CIT: variants seen among roughly 807,000 people sequenced by gnomAD.
CIT encodes the protein citron rho-interacting serine/threonine kinase.
In CIT, 79 loss-of-function variants were observed where a neutral mutation model predicts 272.7. The ratio of observed to expected loss-of-function variants is 0.29; its 90% CI spans 0.24 to 0.35. The LOEUF (loss-of-function observed/expected upper bound fraction) is 0.35. Ranked by LOEUF, CIT falls within the 10% of genes least tolerant of loss-of-function variation. CIT has a pLI of 1.00. For synonymous variants in CIT, 948 were observed against 995.6 expected, an observed-to-expected ratio of 0.95 and a Z score of 0.90; for missense variants, 1,909 against 2,618.3, an observed-to-expected ratio of 0.73 and a Z score of 5.91.
In CIT at chr12:119,810,683, C is replaced by T. The variant is rs1282908846; in HGVS notation, c.1112-7294G>A. ...GTGGCACTGCCTCCAGCCTGGGCAG[C>T]AGAGTGAGATTCCATCATCTCAGAA... is the stretch of plus-strand genomic sequence containing the variant. On this transcript the variant is annotated intron_variant, in intron 9 of 47. Transcript: ENST00000392521. 1.4e-4 allele frequency among the ~76,000 whole-genome samples: 19 copies of T among 132,796 alleles called. No homozygotes were observed. The Admixed American group carries it at 1.6e-3, about 11-fold the overall frequency. The allele number at this position is 132,796 out of a possible 152,430, so 87.1% of individuals were successfully genotyped here. A position where few individuals can be genotyped will look rare whatever the true frequency, so the allele number is the denominator to read the frequency against.
At chr12:119,855,755 A>G (rs1002393945) in intron 4 of CIT, among the ~76,000 whole-genome samples, 5 of 152,146 alleles carry the variant, frequency 3.3e-5, no homozygotes, top group Non-Finnish European at 5.9e-5. Context: ...ATTTCAGGCC[A>G]TTCACCTGGA....
At chr12:119,799,841 GTT>G (rs3999586) in intron 10 of CIT, among the ~76,000 whole-genome samples, 1 of 146,494 alleles carries the variant, frequency 6.8e-6, no homozygotes. Flanking sequence ...AACTTTATGA[GTT>G]TTTTTTTTTT....
In CIT at chr12:119,760,809, A is replaced by G. The variant is rs1405580162; in HGVS notation, c.2421+130T>C. ...GAAACAGTTTCAGAGAAAGCCTCCT[A>G]TTACCAACAACTCCACAGGATTCAA... On this transcript the variant is annotated intron_variant, in intron 20 of 47. Coordinates refer to ENST00000392521, the MANE Select transcript of CIT (RefSeq NM_001206999.2). 3 of 707,444 alleles carry G rather than the reference A, an allele frequency of 4.2e-6. No individual in the cohort carries two copies. The African/African-American group carries it at 5.3e-5, about 13-fold the overall frequency. The allele number at this position is 707,444 out of a possible 1,614,324, so 43.8% of individuals were successfully genotyped here. A position where few individuals can be genotyped will look rare whatever the true frequency, so the allele number is the denominator to read the frequency against.
At chr12:119,717,324 T>G (rs1957545118) in intron 32 of CIT, among the ~76,000 whole-genome samples, 1 of 151,984 alleles carries the variant, frequency 6.6e-6, no homozygotes, top group African/African-American at 2.4e-5. Context: ...AGTGCTGGGA[T>G]TACAGGCGTG....
At chr12:119,717,838 C>CTTTTTTTTGTTTTTTTTTTTTT (rs1957601572) in intron 32 of CIT, among the ~76,000 whole-genome samples, 1 of 81,332 alleles carries the variant, frequency 1.2e-5, no homozygotes, top group Non-Finnish European at 2.3e-5. Context: ...TGACTTCTTT[C>CTTTTTTTTGTTTTTTTTTTTTT]TTTTTTTTTT....
Position 119,720,469 on chromosome 12 carries a change from T to C in CIT, c.3840+9A>G. ...TGACAATTCCCACTTTTCAAACACT[T>C]TGACTCACCTTTTTCTTTTTAGCAG... On this transcript the variant is annotated intron_variant, in intron 30 of 47. Coordinates refer to ENST00000392521, the MANE Select transcript of CIT (RefSeq NM_001206999.2). 6.3e-7 allele frequency: 1 copy of C among 1,595,894 alleles called. No homozygotes were observed. Among genetic ancestry groups the C allele is most frequent in the South Asian group, 1.1e-5 (1 of 89,098 alleles).
chr12:119,873,948 G>A (rs1950761180), intron 2 of CIT, among the ~76,000 whole-genome samples: 1 of 151,996 alleles, frequency 6.6e-6, no homozygotes, highest in South Asian at 2.1e-4. Flanking sequence ...TTTTTATAAG[G>A]AGTTTACTAA....
chr12:119,718,621 A>G lies in CIT; in HGVS notation c.4003+78T>C, dbSNP rs1957670116. ...CATAAACGAAGACACTGAGCTAGTT[A>G]GTCTTGGCTGATCTCACTGAGATCA... On this transcript the variant is annotated intron_variant, in intron 31 of 47. Coordinates refer to ENST00000392521, the MANE Select transcript of CIT (RefSeq NM_001206999.2). This position sits in a 1 kb window ranked among gnomAD's most constrained non-coding sequence, Gnocchi z 4.8. 6 of 1,568,958 alleles carry G rather than the reference A, an allele frequency of 3.8e-6. No homozygotes were observed. Among genetic ancestry groups the G allele is most frequent in the Middle Eastern group, 2.3e-4 (1 of 4,266 alleles).
intron 7 of CIT, among the ~76,000 whole-genome samples, chr12:119,827,225 G>T (rs536198446): frequency 1.3e-5 from 2 of 152,188 alleles, no homozygotes; most frequent in South Asian, 4.2e-4. Flanking sequence ...ATAGACAGAA[G>T]GGGAGACAAA....
At chr12:119,703,481 G>A (rs12099484) in intron 41 of CIT, among the ~76,000 whole-genome samples, 13,985 of 146,176 alleles carry the variant, frequency 0.096, 1,829 homozygotes, top group African/African-American at 0.3. Flanking sequence ...GCTGGAATGC[G>A]GTAGTGCAAT....
chr12:119,787,751 C>CAAAAATA (rs1964935443), intron 10 of CIT, among the ~76,000 whole-genome samples: 1 of 102,144 alleles, frequency 9.8e-6, no homozygotes, highest in Non-Finnish European at 2.1e-5. Flanking sequence ...AAAAAAAAAG[C>CAAAAATA]AAATAAATTT....
chr12:119,801,493 C>T (rs78692249), intron 10 of CIT, among the ~76,000 whole-genome samples: 6,048 of 152,234 alleles, frequency 0.04, 378 homozygotes, highest in African/African-American at 0.14. Flanking sequence ...TGAAATCTAA[C>T]TCCCTCGAAT....
chr12:119,803,160 C>A (rs761297996), intron 10 of CIT, 46 bp downstream of exon 10: 3 of 653,932 alleles, frequency 4.6e-6, no homozygotes, highest in Non-Finnish European at 6.2e-6. Flanking sequence ...GCTCCAAAAG[C>A]CTTGCATCAA....
chr12:119,812,244 G>A (rs1966854715), intron 9 of CIT, among the ~76,000 whole-genome samples: 1 of 151,910 alleles, frequency 6.6e-6, no homozygotes, highest in African/African-American at 2.4e-5. Flanking sequence ...CACCACATCT[G>A]GCCCAACCAG....
rs917061023 is a variant in CIT at position 119,697,564 on chromosome 12, G to C, written c.5882+95C>G. The C allele has an allele frequency of 2.5e-5, 32 of 1,288,612 alleles. No individual in the cohort carries two copies. Among genetic ancestry groups the C allele is most frequent in the Non-Finnish European group, 3.2e-5 (30 of 929,102 alleles). 79.8% of individuals were successfully genotyped at this position (1,288,612 alleles called of 1,614,324 possible). On this transcript the variant is annotated intron_variant, in intron 46 of 47. Transcript: ENST00000392521. This position sits in a 1 kb window ranked among gnomAD's most constrained non-coding sequence, Gnocchi z 4.9. ...GGTTTGAGCTTAAGAACAAAGTGAA[G>C]ATTGGGAAACATTCTACTGGTTTAG...
At chr12:119,755,040 G>A (rs1268944373) in intron 22 of CIT, among the ~76,000 whole-genome samples, 1 of 152,180 alleles carries the variant, frequency 6.6e-6, no homozygotes, top group African/African-American at 2.4e-5. Flanking sequence ...TGAAAGTATA[G>A]CCTGGATGAT....
chr12:119,710,967 G>T lies in CIT; in HGVS notation c.4855-347C>A. 8.6e-7 allele frequency: 1 copy of T among 1,160,388 alleles called. No individual in the cohort carries two copies. The allele number at this position is 1,160,388 out of a possible 1,614,324, so 71.9% of individuals were successfully genotyped here. ...CGCAGGGTTAATAAGACACATGAAA[G>T]ACTCCTTCCCCCATAAGGCTGCAGC... On this transcript the variant is annotated intron_variant, in intron 37 of 47. Transcript: ENST00000392521. This position sits in a 1 kb window ranked among gnomAD's most constrained non-coding sequence, Gnocchi z 5.6.
intron 7 of CIT, among the ~76,000 whole-genome samples, chr12:119,831,720 T>C (rs1025513967): frequency 6.6e-6 from 1 of 151,972 alleles, no homozygotes; most frequent in Non-Finnish European, 1.5e-5. Context: ...ATACAAAAAA[T>C]TAGCTGGGCA....
rs1243469357 is a variant in CIT, at chr12:119,686,950, A to C, written c.*1282T>G. The C allele has an allele frequency of 1.3e-5, 2 of 152,642 alleles. No homozygotes were observed. The highest frequency in any genetic ancestry group is 4.8e-5 in the African/African-American group (2 of 41,450). The allele number at this position is 152,642 out of a possible 1,614,324, so 9.5% of individuals were successfully genotyped here. A position where few individuals can be genotyped will look rare whatever the true frequency, so the allele number is the denominator to read the frequency against. On this transcript the variant is annotated 3_prime_UTR_variant, in exon 48 of 48. Transcript: ENST00000392521. ...GGGAAAGGCTCATTTGGAAAGTCAC[A>C]GTTTCGTGGGGTAGAACCGCGCTGG...
Sources: allele counts gnomAD v4.1 joint callset (sites outside exome capture counted in the v4.1 genomes callset), GRCh38; gene constraint gnomAD v4.1.1; non-coding constraint Gnocchi (gnomAD v3.1); transcripts MANE v1.5; gene names NCBI Gene and HGNC (gene_info 2026-07-23, HGNC 2026-07-21).